Variants in MLC1 observed in about 807,000 individuals in gnomAD.
MLC1 encodes membrane protein MLC1.
MLC1 carries 32 observed loss-of-function variants against 44.7 expected under a neutral mutation model. The observed-to-expected ratio is 0.72, with a 90% CI of 0.54 to 0.96. MLC1 has a LOEUF of 0.96. MLC1 is among the 40% of genes least tolerant of loss of function. The probability of loss-of-function intolerance (pLI) is 0.00; values close to 1 mark genes in which losing one functional copy is unlikely to be tolerated. For synonymous variants in MLC1, 190 were observed against 213.0 expected (o/e 0.89, Z 0.94); for missense variants, 459 against 492.2 (o/e 0.93, Z 0.64).
In MLC1 at chr22:50,084,837, C is replaced by A. The variant is rs200941892; in HGVS notation, c.66G>T (p.Arg22=). The A allele has an allele frequency of 6.2e-7, 1 of 1,613,716 alleles. No homozygotes were observed. The highest frequency in any genetic ancestry group is 1.7e-5 in the Admixed American group (1 of 60,034). The change falls in exon 2 of 12, where the codon CGG becomes CGT. Residue 22 remains arginine, a synonymous_variant. Transcript: ENST00000311597. ...YDRMPTLERG[R]QDPASYAPDA... ...CTGGGGCATAGCTGGCGGGGTCTTG[C>A]CGGCCCCGCTCCAGCGTGGGCATCC... is the stretch of plus-strand genomic sequence containing the variant.
At chr22:50,062,176 A>G (rs796525939) in intron 11 of MLC1, among the ~76,000 whole-genome samples, 825 of 74,090 alleles carry the variant, frequency 0.011, 19 homozygotes, top group African/African-American at 0.042. Context: ...CGTCCACCCT[A>G]AGCCCCAGCC....
intron 5 of MLC1, among the ~76,000 whole-genome samples, chr22:50,078,962 A>G (rs989715104): frequency 2.6e-5 from 4 of 152,012 alleles, no homozygotes; most frequent in Non-Finnish European, 5.9e-5. Context: ...CCCAGGGACC[A>G]CACCCCATCT....
intron 2 of MLC1, among the ~76,000 whole-genome samples, chr22:50,084,413 C>T (rs2062228982): frequency 6.6e-6 from 1 of 152,190 alleles, no homozygotes; most frequent in African/African-American, 2.4e-5. Context: ...TCAGAGGACC[C>T]TGGGCCCCCA....
At chr22:50,073,242 C>T (rs1294073211) in intron 8 of MLC1, among the ~76,000 whole-genome samples, 1 of 152,252 alleles carries the variant, frequency 6.6e-6, no homozygotes, top group African/African-American at 2.4e-5. Flanking sequence ...CATTCCTGCT[C>T]ATGTACATAA....
Position 50,064,084 on chromosome 22 carries a change from C to G in MLC1, c.1009G>C (p.Gly337Arg). 2 of 1,610,388 alleles carry G rather than the reference C, an allele frequency of 1.2e-6. No individual in the cohort carries two copies. The highest frequency in any genetic ancestry group is 2.2e-5 in the East Asian group (1 of 44,868). Residue 337 changes from glycine (G) to arginine (R), a missense_variant, in exon 11 of 12, where the codon GGT (glycine) becomes CGT (arginine). Coordinates refer to ENST00000311597, the MANE Select transcript of MLC1 (RefSeq NM_015166.4). The part of the protein sequence containing the change: ...VRFKVSARLQ[G>R]ASWDTQNGPQ... ...CCGTTCTGGGTGTCCCAGGATGCAC[C>G]CTGCAGCCTTGCACTGACCTTGAAG...
chr22:50,085,257 C>T lies in MLC1; in HGVS notation c.-60+98G>A, dbSNP rs1219552360. On this transcript the variant is annotated intron_variant, in intron 1 of 11. Coordinates refer to ENST00000311597, the MANE Select transcript of MLC1 (RefSeq NM_015166.4). Reference sequence around the variant, plus strand: ...GGCAACTTCGTCCATGAACACATCACGCCGGGGACTCAAGCACGTTAAACT... The same window carrying T: ...GGCAACTTCGTCCATGAACACATCATGCCGGGGACTCAAGCACGTTAAACT... The T allele has an allele frequency of 1.2e-5, 14 of 1,182,462 alleles. No homozygotes were observed. In the Admixed American group the frequency reaches 2.2e-4, roughly 19 times the overall value. 73.2% of individuals were successfully genotyped at this position (1,182,462 alleles called of 1,614,324 possible). A position where few individuals can be genotyped will look rare whatever the true frequency, so the allele number is the denominator to read the frequency against.
chr22:50,069,652 A>G (rs2061801767), intron 9 of MLC1, among the ~76,000 whole-genome samples: 1 of 152,000 alleles, frequency 6.6e-6, no homozygotes. Context: ...TCTCAAACAA[A>G]CAAAACCAAG....
intron 10 of MLC1, among the ~76,000 whole-genome samples, chr22:50,065,695 G>T (rs1379593924): frequency 6.6e-6 from 1 of 152,210 alleles, no homozygotes; most frequent in African/African-American, 2.4e-5. Context: ...CTCTGTGGGG[G>T]GCTGTGGAGA....
upstream of MLC1, chr22:50,085,519 A>T (rs1226260221): frequency 6.1e-6 from 1 of 164,420 alleles, no homozygotes; most frequent in Non-Finnish European, 1.3e-5. Flanking sequence ...GGATCGTAGA[A>T]ATGTTTCGTG....
At chr22:50,073,752 AAAAT>A (rs1273066897) in intron 8 of MLC1, among the ~76,000 whole-genome samples, 1 of 152,142 alleles carries the variant, frequency 6.6e-6, no homozygotes, top group Non-Finnish European at 1.5e-5. Flanking sequence ...ATAAATAAAT[AAAAT>A]AAATAAAACA....
Position 50,076,866 on chromosome 22 carries a change from G to A in MLC1, c.572C>T (p.Pro191Leu). ...TGAGTAAGATTTCAGGACCCGAGCA[G>A]GAAATGGCACTTCGTCCAGAATGTT... Reference protein sequence around the residue: ...SANILDEVPFPARVLKSYSVV... With the variant: ...SANILDEVPFLARVLKSYSVV... The change falls in exon 7 of 12, where the codon CCT (proline) becomes CTT (leucine). Residue 191 changes from proline (P) to leucine (L), a missense_variant. Transcript: ENST00000311597. 3 of 1,613,954 alleles carry A rather than the reference G, an allele frequency of 1.9e-6. No individual in the cohort carries two copies. The highest frequency in any genetic ancestry group is 2.5e-6 in the Non-Finnish European group (3 of 1,179,874).
Position 50,076,885 on chromosome 22 carries a change from G to GA in MLC1, c.552dup (p.Leu185SerfsTer37). 6.2e-7 allele frequency: 1 copy of GA among 1,613,970 alleles called. No individual in the cohort carries two copies. On this transcript the variant is annotated frameshift_variant, in exon 7 of 12. Coordinates refer to ENST00000311597, the MANE Select transcript of MLC1 (RefSeq NM_015166.4). LOFTEE classifies it high-confidence loss of function. Reference sequence around the variant, plus strand: ...CGAGCAGGAAATGGCACTTCGTCCAGAATGTTGGCGCTGTCAGACATGGAG... The same window carrying GA: ...CGAGCAGGAAATGGCACTTCGTCCAGAAATGTTGGCGCTGTCAGACATGGAG...
chr22:50,074,154 C>T (rs2146857495), intron 8 of MLC1, 62 bp downstream of exon 8: 1 of 1,401,492 alleles, frequency 7.1e-7, no homozygotes, highest in Non-Finnish European at 1.0e-6. Flanking sequence ...CGGGGCCCAG[C>T]CACGCAGGAT....
chr22:50,078,253 A>G (rs2062031777), intron 5 of MLC1, among the ~76,000 whole-genome samples: 1 of 151,760 alleles, frequency 6.6e-6, no homozygotes, highest in African/African-American at 2.4e-5. Flanking sequence ...GGCCTCCCAA[A>G]GTGCTGAGAT....
chr22:50,082,280 G>A (rs932489554), intron 3 of MLC1, among the ~76,000 whole-genome samples: 1 of 152,122 alleles, frequency 6.6e-6, no homozygotes, highest in Non-Finnish European at 1.5e-5. Flanking sequence ...TGGCTTGCGG[G>A]CCAGAGCCCA....
chr22:50,077,224 C>T (rs1208119350), intron 6 of MLC1, among the ~76,000 whole-genome samples, 177 bp downstream of exon 6: 2 of 152,196 alleles, frequency 1.3e-5, no homozygotes, highest in Non-Finnish European at 2.9e-5. Context: ...CAACCCCTCA[C>T]CCAGCTCCAG....
At position 50,082,944 on chromosome 22, in the gene MLC1, C is replaced by T. The variant is rs531095956; in HGVS notation, c.267+140G>A. ...CCCCTCAAAGTGCTGGCATGACAGC[C>T]ATGAGCCACTGTGCCCGGCCCATAT... On this transcript the variant is annotated intron_variant, in intron 3 of 11. Transcript: ENST00000311597. 149 of 865,434 alleles carry T rather than the reference C, an allele frequency of 1.7e-4. 4 individuals carry two copies. In the South Asian group the frequency reaches 2.1e-3, roughly 12 times the overall value. The allele number at this position is 865,434 out of a possible 1,614,324, so 53.6% of individuals were successfully genotyped here.
At chr22:50,077,266 G>A in intron 6 of MLC1, 135 bp downstream of exon 6, 1 of 839,828 alleles carries the variant, frequency 1.2e-6, no homozygotes, top group Non-Finnish European at 1.9e-6. Flanking sequence ...CTGAGACCCA[G>A]GAGAGAGGGG....
chr22:50,070,463 G>A (rs2061824054), intron 9 of MLC1, 64 bp downstream of exon 9: 4 of 1,448,158 alleles, frequency 2.8e-6, no homozygotes, highest in Non-Finnish European at 3.8e-6. Context: ...CCAAGGGAGG[G>A]CTAGGCCAGG....
Sources: gnomAD v4.1 joint callset for allele counts (sites outside exome capture counted in the v4.1 genomes callset) on GRCh38, gnomAD v4.1.1 for gene constraint, MANE v1.5 for transcripts, NCBI Gene and HGNC (gene_info 2026-07-23, HGNC 2026-07-21) for gene names.